MINDY2: variants seen among roughly 807,000 people sequenced by gnomAD.
MINDY2 encodes the protein MINDY lysine 48 deubiquitinase 2.
A neutral mutation model predicts 68.2 loss-of-function variants in MINDY2; 52 were observed. That is an observed-to-expected ratio of 0.76 (90% CI 0.61 to 0.96). MINDY2 has a LOEUF of 0.96. MINDY2 is among the 40% of genes least tolerant of loss of function. The pLI is 0.00. For synonymous variants in MINDY2, 372 were observed against 303.0 expected, an observed-to-expected ratio of 1.23 and a Z score of -2.36; for missense variants, 881 against 773.4, an observed-to-expected ratio of 1.14 and a Z score of -1.65.
intron 5 of MINDY2, among the ~76,000 whole-genome samples, chr15:58,825,566 C>A (rs556967204): frequency 6.6e-6 from 1 of 152,060 alleles, no homozygotes; most frequent in Admixed American, 6.6e-5. Context: ...AGGAATGGTT[C>A]TTTTTTGTCT....
At chr15:58,797,790 C>T (rs150140311) in intron 2 of MINDY2, among the ~76,000 whole-genome samples, 81 of 152,218 alleles carry the variant, frequency 5.3e-4, no homozygotes, top group African/African-American at 1.9e-3. Context: ...AAAATGAGCT[C>T]TTTTGCCATG....
rs187849218 is a variant in MINDY2 at position 58,826,496 on chromosome 15, T to A, written c.1225+4677T>A. 3.1e-3 allele frequency among the ~76,000 whole-genome samples: 477 copies of A among 152,248 alleles called. 1 individual carries two copies. The highest frequency in any genetic ancestry group is 5.3e-3 in the Non-Finnish European group (360 of 68,012). On this transcript the variant is annotated intron_variant, in intron 5 of 8. Transcript: ENST00000559228. ...CGCCCGCCTTGGCCTTCCAAAGTGC[T>A]GGTATTACAGACATGAGCCACTGCA... is the stretch of plus-strand genomic sequence containing the variant.
intron 1 of MINDY2, among the ~76,000 whole-genome samples, chr15:58,775,853 G>C (rs1342772224): frequency 2.0e-5 from 3 of 149,242 alleles, no homozygotes; most frequent in African/African-American, 7.5e-5. Flanking sequence ...TCAGTAAAGA[G>C]GCTAAATTTT....
At chr15:58,785,735 G>T (rs1901454342) in intron 1 of MINDY2, among the ~76,000 whole-genome samples, 1 of 152,028 alleles carries the variant, frequency 6.6e-6, no homozygotes, top group Admixed American at 6.6e-5. Context: ...GGAGCGTAGT[G>T]GCACGATCTC....
chr15:58,826,049 A>G (rs1336990654), intron 5 of MINDY2, among the ~76,000 whole-genome samples: 1 of 152,036 alleles, frequency 6.6e-6, no homozygotes, highest in Non-Finnish European at 1.5e-5. Flanking sequence ...GCTTATTATT[A>G]TTTTTATTAA....
intron 6 of MINDY2, among the ~76,000 whole-genome samples, chr15:58,842,829 A>C (rs1384096999): frequency 6.6e-6 from 1 of 152,122 alleles, no homozygotes; most frequent in Non-Finnish European, 1.5e-5. Flanking sequence ...TGGCTGAGGG[A>C]ACATGTAAAG....
At chr15:58,818,840 C>T (rs1182465794) in intron 4 of MINDY2, among the ~76,000 whole-genome samples, 2 of 151,838 alleles carry the variant, frequency 1.3e-5, no homozygotes, top group Non-Finnish European at 2.9e-5. Context: ...GGGGTTTCCT[C>T]GTGTTGGCCA....
intron 3 of MINDY2, among the ~76,000 whole-genome samples, chr15:58,804,493 AAATGAGAAAATCTT>A (rs1902884517): frequency 6.6e-6 from 1 of 152,072 alleles, no homozygotes; most frequent in Non-Finnish European, 1.5e-5. Context: ...ATCTTGATTG[AAATGAGAAAATCTT>A]AATTTTCGTG....
chr15:58,771,590 C>T lies in MINDY2; in HGVS notation c.195C>T (p.Asp65=), dbSNP rs79904206. Residue 65 remains aspartate (D), a synonymous_variant, in exon 1 of 9, where the codon GAC becomes GAT. Transcript: ENST00000559228. The part of the protein sequence containing the change: ...GAAAARRSLP[D]SASPAGSPEV... The stretch of plus-strand genomic sequence containing the variant: ...CGGCCGCCAGGAGGAGCCTCCCGGA[C>T]TCGGCTTCTCCCGCGGGCTCTCCTG... The T allele has an allele frequency of 6.2e-7, 1 of 1,611,768 alleles. No homozygotes were observed. Among genetic ancestry groups the T allele is most frequent in the Non-Finnish European group, 8.5e-7 (1 of 1,179,706 alleles).
rs1172961116 is a variant in MINDY2, at chr15:58,858,885, A to G, written c.*4275A>G. The G allele has an allele frequency of 1.5e-4, 23 of 152,158 alleles. No homozygotes were observed. The highest frequency in any genetic ancestry group is 5.1e-4 in the African/African-American group (21 of 41,468). 9.4% of individuals were successfully genotyped at this position (152,158 alleles called of 1,614,324 possible). On this transcript the variant is annotated 3_prime_UTR_variant, in exon 9 of 9. Coordinates refer to ENST00000559228, the MANE Select transcript of MINDY2 (RefSeq NM_001040450.3). The stretch of plus-strand genomic sequence containing the variant: ...TTTGTGTCTATAAACCCGACTTTCT[A>G]TCTTGCCTTGGGCAAACTTTCTGTG...
In MINDY2 at chr15:58,856,027, C is replaced by A. The variant is rs1187816568; in HGVS notation, c.*1417C>A. The A allele has an allele frequency of 6.6e-6, 1 of 152,588 alleles. No homozygotes were observed. The highest frequency in any genetic ancestry group is 1.5e-5 in the Non-Finnish European group (1 of 68,032). 9.5% of individuals were successfully genotyped at this position (152,588 alleles called of 1,614,324 possible). On this transcript the variant is annotated 3_prime_UTR_variant, in exon 9 of 9. Coordinates refer to ENST00000559228, the MANE Select transcript of MINDY2 (RefSeq NM_001040450.3). ...TAACCTCATAGTGTTTATAAGAACTCAGAAATAATATTTATTTAACTTTAT... is the reference window on the plus strand; with the variant it reads ...TAACCTCATAGTGTTTATAAGAACTAAGAAATAATATTTATTTAACTTTAT...
chr15:58,798,922 C>A (rs1382694962), intron 2 of MINDY2, among the ~76,000 whole-genome samples: 1 of 152,146 alleles, frequency 6.6e-6, no homozygotes, highest in African/African-American at 2.4e-5. Flanking sequence ...TTAAATTTAT[C>A]TAACTCTTAG....
intron 1 of MINDY2, among the ~76,000 whole-genome samples, chr15:58,777,814 G>T (rs1053482417): frequency 6.6e-6 from 1 of 151,536 alleles, no homozygotes; most frequent in Admixed American, 6.6e-5. Flanking sequence ...ATGGAGACGG[G>T]GTCTCACTAT....
chr15:58,812,682 A>G (rs2030375672), intron 4 of MINDY2, among the ~76,000 whole-genome samples: 1 of 152,202 alleles, frequency 6.6e-6, no homozygotes, highest in East Asian at 1.9e-4. Context: ...CAACATGGCA[A>G]AACCTTATTT....
At chr15:58,839,198 AG>A (rs2032153719) in intron 6 of MINDY2, among the ~76,000 whole-genome samples, 1 of 150,764 alleles carries the variant, frequency 6.6e-6, no homozygotes, top group African/African-American at 2.5e-5. Context: ...GGCTTTGACA[AG>A]AGGGGAAGGG....
rs754859746 is a variant in MINDY2 at position 58,771,623 on chromosome 15, C to G, written c.228C>G (p.Pro76=). 1.9e-6 allele frequency: 3 copies of G among 1,612,148 alleles called. No homozygotes were observed. The highest frequency in any genetic ancestry group is 1.3e-5 in the African/African-American group (1 of 74,902). Reference sequence around the variant, plus strand: ...CTCCCGCGGGCTCTCCTGAGGTTCCCGGACCCTGCAGCTCCTCCGCGGGTT... The same window carrying G: ...CTCCCGCGGGCTCTCCTGAGGTTCCGGGACCCTGCAGCTCCTCCGCGGGTT... ...SASPAGSPEV[P]GPCSSSAGLD... Residue 76 remains proline (P), a synonymous_variant, in exon 1 of 9, where the codon CCC becomes CCG. Coordinates refer to ENST00000559228, the MANE Select transcript of MINDY2 (RefSeq NM_001040450.3).
chr15:58,850,334 T>G (rs1349266273), intron 7 of MINDY2, among the ~76,000 whole-genome samples: 2 of 152,210 alleles, frequency 1.3e-5, no homozygotes, highest in East Asian at 3.8e-4. Context: ...GAAATTCTTA[T>G]TTTCTTAAAC....
chr15:58,774,788 T>G (rs1309375693), intron 1 of MINDY2, among the ~76,000 whole-genome samples: 2 of 152,174 alleles, frequency 1.3e-5, no homozygotes, highest in African/African-American at 2.4e-5. Flanking sequence ...TTTCTTCTAC[T>G]TGGAACCTTC....
chr15:58,792,450 A>G (rs187009744), intron 2 of MINDY2, among the ~76,000 whole-genome samples: 1 of 152,202 alleles, frequency 6.6e-6, no homozygotes, highest in African/African-American at 2.4e-5. Flanking sequence ...TACTAAGAAC[A>G]TAAAAATTAG....
Sources: gnomAD v4.1 joint callset for allele counts (sites outside exome capture counted in the v4.1 genomes callset) on GRCh38, gnomAD v4.1.1 for gene constraint, MANE v1.5 for transcripts, NCBI Gene and HGNC (gene_info 2026-07-23, HGNC 2026-07-21) for gene names.